Variants in MSRA observed in about 807,000 individuals in gnomAD.
MSRA encodes the protein methionine sulfoxide reductase A.
Under a neutral mutation model 31.3 loss-of-function variants are expected in MSRA, and 54 were observed. That is an observed-to-expected ratio of 1.73 (90% CI 1.39 to 2.17). MSRA has a LOEUF of 2.17. MSRA is among the 30% of genes most tolerant of loss of function. The probability of loss-of-function intolerance (pLI) is 0.00; values close to 1 mark genes in which losing one functional copy is unlikely to be tolerated. For missense variants in MSRA, 507 were observed against 300.9 expected (o/e 1.69, Z -5.07); for synonymous variants, 169 against 116.5 (o/e 1.45, Z -2.90).
chr8:10,301,142 GC>G (rs753773209), intron 3 of MSRA, among the ~76,000 whole-genome samples: 1 of 152,138 alleles, frequency 6.6e-6, no homozygotes, highest in Non-Finnish European at 1.5e-5. Flanking sequence ...ACTACATATA[GC>G]ATGGAGTGAT....
rs377748621 is a variant in MSRA at position 10,241,296 on chromosome 8, C to T, written c.212-3808C>T. ...GGTGAGTCTGGGACATCCTGTCAAA[C>T]CAGAGAGCAAAGAAGCTATGAGACA... On this transcript the variant is annotated intron_variant, in intron 2 of 5. Transcript: ENST00000317173. Among the ~76,000 whole-genome samples, 23 of 152,006 alleles carry T rather than the reference C, an allele frequency of 1.5e-4. No homozygotes were observed. In the East Asian group the frequency reaches 4.1e-3, roughly 27 times the overall value.
intron 1 of MSRA, among the ~76,000 whole-genome samples, chr8:10,205,662 C>T (rs560111055): frequency 6.6e-6 from 1 of 151,940 alleles, no homozygotes; most frequent in Non-Finnish European, 1.5e-5. Context: ...CATTTTCACC[C>T]TAGACAAAAA....
In MSRA at chr8:10,214,911, A is replaced by G. The variant is rs1200493964; in HGVS notation, c.211+7010A>G. Among the ~76,000 whole-genome samples, 3 of 152,210 alleles carry G rather than the reference A, an allele frequency of 2.0e-5. No individual in the cohort carries two copies. The East Asian group carries it at 5.8e-4, about 29-fold the overall frequency. ...AGTCAGATAATATAGAGAAGGAGAA[A>G]GAGACCTTTGAAAACCTGTGTTGAA... On this transcript the variant is annotated intron_variant, in intron 2 of 5. Coordinates refer to ENST00000317173, the MANE Select transcript of MSRA (RefSeq NM_012331.5).
chr8:10,088,436 C>T (rs1443186092), intron 1 of MSRA, among the ~76,000 whole-genome samples: 4 of 152,122 alleles, frequency 2.6e-5, no homozygotes, highest in Non-Finnish European at 4.4e-5. Flanking sequence ...ACTAAGATGT[C>T]TATCAAGGGA....
At chr8:10,245,505 A>G (rs549681703) in intron 3 of MSRA, among the ~76,000 whole-genome samples, 2 of 152,260 alleles carry the variant, frequency 1.3e-5, no homozygotes, top group South Asian at 4.1e-4. Context: ...GATGATCAGC[A>G]GTTGAGGCTG....
intron 2 of MSRA, among the ~76,000 whole-genome samples, chr8:10,240,686 C>T (rs758981085): frequency 6.6e-6 from 1 of 152,190 alleles, no homozygotes; most frequent in Non-Finnish European, 1.5e-5. Context: ...TGAACTTGGG[C>T]TATTCTTCCC....
At chr8:10,371,771 G>T (rs939178610) in intron 5 of MSRA, among the ~76,000 whole-genome samples, 1 of 152,230 alleles carries the variant, frequency 6.6e-6, no homozygotes, top group Non-Finnish European at 1.5e-5. Flanking sequence ...TGCCTTCTCC[G>T]CTGTGCCTAA....
chr8:10,304,726 G>A (rs558143249), intron 4 of MSRA, among the ~76,000 whole-genome samples: 1 of 152,322 alleles, frequency 6.6e-6, no homozygotes, highest in South Asian at 2.1e-4. Flanking sequence ...ACGTTTCACA[G>A]TAAAAGTTGG....
At chr8:10,170,308 G>T (rs1242448048) in intron 1 of MSRA, among the ~76,000 whole-genome samples, 3 of 152,100 alleles carry the variant, frequency 2.0e-5, no homozygotes, top group African/African-American at 7.2e-5. Flanking sequence ...CATAAGGGTG[G>T]AGCCCTTAGG....
chr8:10,390,869 G>A (rs935617818), intron 5 of MSRA, among the ~76,000 whole-genome samples: 7 of 152,014 alleles, frequency 4.6e-5, no homozygotes, highest in African/African-American at 1.7e-4. Flanking sequence ...CCACCTACTC[G>A]GGAGGCTGAG....
chr8:10,304,503 A>G (rs180788206), intron 4 of MSRA, among the ~76,000 whole-genome samples: 2 of 152,358 alleles, frequency 1.3e-5, no homozygotes, highest in East Asian at 3.9e-4. Flanking sequence ...TCTGGTATCA[A>G]TGGAGTTGAT....
intron 1 of MSRA, among the ~76,000 whole-genome samples, chr8:10,109,488 C>T (rs1010961818): frequency 1.1e-4 from 16 of 151,852 alleles, no homozygotes; most frequent in East Asian, 5.8e-4. Flanking sequence ...GCAACAGGCA[C>T]GCACCTACCA....
chr8:10,406,166 C>T (rs903923984), intron 5 of MSRA, among the ~76,000 whole-genome samples: 1 of 152,240 alleles, frequency 6.6e-6, no homozygotes, highest in Non-Finnish European at 1.5e-5. Context: ...TTGTGTCGGG[C>T]AGTGGCGGGA....
intron 1 of MSRA, among the ~76,000 whole-genome samples, chr8:10,199,135 T>A (rs1171613442): frequency 1.3e-5 from 2 of 152,166 alleles, no homozygotes; most frequent in African/African-American, 2.4e-5. Flanking sequence ...CATGGATGCC[T>A]GCTTTGGGAG....
At chr8:10,379,735 G>A (rs971129510) in intron 5 of MSRA, among the ~76,000 whole-genome samples, 5 of 152,198 alleles carry the variant, frequency 3.3e-5, no homozygotes, top group African/African-American at 1.2e-4. Context: ...CCTAAGTATG[G>A]GATGGCCAGG....
At chr8:10,408,815 A>T (rs554349019) in intron 5 of MSRA, among the ~76,000 whole-genome samples, 1 of 146,510 alleles carries the variant, frequency 6.8e-6, no homozygotes, top group Non-Finnish European at 1.5e-5. Flanking sequence ...TAGAACATGC[A>T]GTAGTTGACC....
intron 5 of MSRA, among the ~76,000 whole-genome samples, chr8:10,425,616 G>A (rs537995224): frequency 6.6e-6 from 1 of 152,378 alleles, no homozygotes; most frequent in Non-Finnish European, 1.5e-5. Context: ...TGGGAGGTCT[G>A]CACAGGTGTG....
intron 3 of MSRA, among the ~76,000 whole-genome samples, chr8:10,282,978 A>C (rs144877489): frequency 1.2e-3 from 187 of 152,226 alleles, no homozygotes; most frequent in African/African-American, 4.4e-3. Context: ...TAGAAAATGC[A>C]TAGTGTTGCA....
At chr8:10,280,754 T>G (rs891806217) in intron 3 of MSRA, among the ~76,000 whole-genome samples, 6 of 152,232 alleles carry the variant, frequency 3.9e-5, no homozygotes, top group African/African-American at 1.4e-4. Flanking sequence ...CTATTCATAA[T>G]AGCCATAAAG....
Sources: allele counts gnomAD v4.1 joint callset (sites outside exome capture counted in the v4.1 genomes callset), GRCh38; gene constraint gnomAD v4.1.1; transcripts MANE v1.5; gene names NCBI Gene and HGNC (gene_info 2026-07-23, HGNC 2026-07-21).